SH3BP4: variants seen among roughly 807,000 people sequenced by gnomAD.
SH3BP4 encodes SH3 domain binding protein 4.
A neutral mutation model predicts 65.5 loss-of-function variants in SH3BP4; 33 were observed. The ratio of observed to expected loss-of-function variants is 0.50; its 90% CI spans 0.38 to 0.67. The LOEUF is 0.67. Ranked by LOEUF, SH3BP4 falls within the 30% of genes least tolerant of loss-of-function variation. SH3BP4 has a pLI of 0.00. For missense variants in SH3BP4, 1,134 were observed against 1,261.4 expected (o/e 0.90, Z 1.53); for synonymous variants, 552 against 545.5 (o/e 1.01, Z -0.17).
intron 1 of SH3BP4, among the ~76,000 whole-genome samples, chr2:234,972,171 G>A (rs564036946): frequency 3.6e-5 from 5 of 140,386 alleles, no homozygotes; most frequent in Middle Eastern, 4.5e-3. Context: ...TCAATCTGTC[G>A]CCCAGGCTGG....
In SH3BP4 at chr2:235,001,759, G is replaced by A. The variant is rs73124283; in HGVS notation, c.-133+6383G>A. Among the ~76,000 whole-genome samples the A allele has an allele frequency of 4.8e-3, 727 of 152,326 alleles. 3 individuals are homozygous for A. The highest frequency in any genetic ancestry group is 0.014 in the African/African-American group (575 of 41,582). ...GGTGACTGGAGAGATGAGTTCTCAC[G>A]GACCGTTCGGGCAACTTGGTGTTCC... On this transcript the variant is annotated intron_variant, in intron 2 of 5. Coordinates refer to ENST00000392011, the MANE Select transcript of SH3BP4 (RefSeq NM_014521.3).
chr2:234,958,788 T>C (rs1279009047), intron 1 of SH3BP4, among the ~76,000 whole-genome samples: 2 of 152,012 alleles, frequency 1.3e-5, no homozygotes, highest in Non-Finnish European at 2.9e-5. Context: ...TGGAACCCTG[T>C]CACTGTGGTA....
rs112183454 is a variant in SH3BP4 at position 234,999,177 on chromosome 2, T to C, written c.-133+3801T>C. Among the ~76,000 whole-genome samples, 585 of 152,280 alleles carry C rather than the reference T, an allele frequency of 3.8e-3. 3 individuals are homozygous for C. The highest frequency in any genetic ancestry group is 0.013 in the African/African-American group (548 of 41,570). The stretch of plus-strand genomic sequence containing the variant: ...CGTGAGCTGCACTCCCGGCGACACA[T>C]TGGACTAAGAACGGCGCCTGCCTTC... On this transcript the variant is annotated intron_variant, in intron 2 of 5. Coordinates refer to ENST00000392011, the MANE Select transcript of SH3BP4 (RefSeq NM_014521.3).
In SH3BP4 at chr2:235,030,472, A is replaced by G. The variant is rs902283937; in HGVS notation, c.-132-4399A>G. Among the ~76,000 whole-genome samples, 2 of 152,186 alleles carry G rather than the reference A, an allele frequency of 1.3e-5. No individual in the cohort carries two copies. The highest frequency in any genetic ancestry group is 4.8e-5 in the African/African-American group (2 of 41,452). ...CAGTGGGATGGTGCCTGGTGGAGCT[A>G]TGAGCGCAGCCTGTGCTGTAAGGGG... On this transcript the variant is annotated intron_variant, in intron 2 of 5. Transcript: ENST00000392011. The surrounding 1 kb of genome is among the most constrained non-coding windows in gnomAD (Gnocchi z 4.1).
chr2:234,988,332 T>G (rs1258216590), intron 1 of SH3BP4, among the ~76,000 whole-genome samples: 5 of 152,184 alleles, frequency 3.3e-5, no homozygotes, highest in Non-Finnish European at 5.9e-5. Flanking sequence ...GTGCTGGGAT[T>G]ACAGGCGTGA....
chr2:234,956,169 C>G (rs1273829818), intron 1 of SH3BP4, among the ~76,000 whole-genome samples: 4 of 152,212 alleles, frequency 2.6e-5, no homozygotes, highest in African/African-American at 4.8e-5. Context: ...TCGTGAAACC[C>G]TCACCCCGTC....
At chr2:235,020,057 G>A (rs1248461068) in intron 2 of SH3BP4, among the ~76,000 whole-genome samples, 3 of 152,122 alleles carry the variant, frequency 2.0e-5, no homozygotes, top group African/African-American at 4.8e-5. Flanking sequence ...TCTTCTTTGC[G>A]ACATAAGAGA....
At chr2:234,980,433 T>G (rs1417894974) in intron 1 of SH3BP4, among the ~76,000 whole-genome samples, 2 of 152,244 alleles carry the variant, frequency 1.3e-5, no homozygotes, top group Non-Finnish European at 2.9e-5. Flanking sequence ...GGGACCACAG[T>G]TGGCCAGGGG....
intron 2 of SH3BP4, among the ~76,000 whole-genome samples, chr2:235,018,191 A>C (rs2106305784): frequency 6.6e-6 from 1 of 152,180 alleles, no homozygotes. Context: ...TTTCCATGTA[A>C]CTTGTATCAG....
intron 2 of SH3BP4, among the ~76,000 whole-genome samples, chr2:235,027,222 A>G (rs969715216): frequency 4.6e-5 from 7 of 152,238 alleles, no homozygotes; most frequent in Admixed American, 3.3e-4. Flanking sequence ...CAGTCGGATC[A>G]GGACTAGGAG....
At chr2:234,966,624 A>T (rs1692845771) in intron 1 of SH3BP4, among the ~76,000 whole-genome samples, 1 of 152,266 alleles carries the variant, frequency 6.6e-6, no homozygotes, top group Admixed American at 6.5e-5. Flanking sequence ...ATATTAACCG[A>T]GGGGAATTGG....
In SH3BP4 at chr2:234,952,419, C is replaced by A. The variant is rs1692492180; in HGVS notation, c.-207+249C>A. On this transcript the variant is annotated intron_variant, in intron 1 of 5. Transcript: ENST00000392011. The surrounding 1 kb of genome is among the most constrained non-coding windows in gnomAD (Gnocchi z 6.5). ...TCTCCCTGGTGCTGGTGGGCAGGGA[C>A]CCGGCCCGGGGTTCCGGGCGCCGAG... is the stretch of plus-strand genomic sequence containing the variant. Among the ~76,000 whole-genome samples, 1 of 151,150 alleles carries A rather than the reference C, an allele frequency of 6.6e-6. No homozygotes were observed. The highest frequency in any genetic ancestry group is 2.1e-4 in the South Asian group (1 of 4,824).
chr2:235,019,004 G>A (rs901826966), intron 2 of SH3BP4, among the ~76,000 whole-genome samples: 3 of 152,208 alleles, frequency 2.0e-5, no homozygotes, highest in Admixed American at 6.5e-5. Context: ...TGACGTTCTG[G>A]AGCAGTGCTT....
At chr2:234,972,743 C>G (rs1242621966) in intron 1 of SH3BP4, among the ~76,000 whole-genome samples, 2 of 152,104 alleles carry the variant, frequency 1.3e-5, no homozygotes, top group African/African-American at 4.8e-5. Context: ...AAATAAAGCT[C>G]AAGTGAATTG....
At chr2:234,981,184 T>C (rs1693372417) in intron 1 of SH3BP4, among the ~76,000 whole-genome samples, 1 of 152,228 alleles carries the variant, frequency 6.6e-6, no homozygotes, top group African/African-American at 2.4e-5. Flanking sequence ...TTTGCAGAAT[T>C]ACACTTTTGC....
At chr2:235,019,570 G>A (rs1694790254) in intron 2 of SH3BP4, among the ~76,000 whole-genome samples, 1 of 151,636 alleles carries the variant, frequency 6.6e-6, no homozygotes, top group African/African-American at 2.4e-5. Context: ...CTGAGTAGCT[G>A]GGATTACAGG....
chr2:234,975,348 C>A (rs1016732429), intron 1 of SH3BP4, among the ~76,000 whole-genome samples: 1 of 152,176 alleles, frequency 6.6e-6, no homozygotes, highest in Non-Finnish European at 1.5e-5. Context: ...GGTGCAGGCA[C>A]TTGCTGAGGT....
intron 1 of SH3BP4, among the ~76,000 whole-genome samples, chr2:234,965,533 C>T (rs962679051): frequency 2.6e-5 from 4 of 152,254 alleles, no homozygotes; most frequent in Non-Finnish European, 2.9e-5. Context: ...CTGTCCTCAA[C>T]TGGCTCAGAG....
intron 1 of SH3BP4, among the ~76,000 whole-genome samples, chr2:234,975,555 C>G (rs1339169018): frequency 6.6e-6 from 1 of 152,198 alleles, no homozygotes; most frequent in Non-Finnish European, 1.5e-5. Flanking sequence ...GCAGTTCGCT[C>G]AAGCTTTGAG....
Sources: gnomAD v4.1 joint callset for allele counts (sites outside exome capture counted in the v4.1 genomes callset) on GRCh38, gnomAD v4.1.1 for gene constraint, Gnocchi (gnomAD v3.1) non-coding constraint, MANE v1.5 for transcripts, NCBI Gene and HGNC (gene_info 2026-07-23, HGNC 2026-07-21) for gene names.